The following NPPC variants were observed in gnomAD, a reference collection of about 807,000 sequenced individuals.
NPPC encodes the protein natriuretic peptide C, also known as C-type natriuretic peptide.
Under a neutral mutation model 10.2 loss-of-function variants are expected in NPPC, and 4 were observed. That is an observed-to-expected ratio of 0.39 (90% confidence interval 0.19 to 0.90). The LOEUF is 0.90. Ranked by LOEUF, NPPC falls within the 40% of genes least tolerant of loss-of-function variation. The probability of loss-of-function intolerance (pLI) is 0.37; values close to 1 mark genes in which losing one functional copy is unlikely to be tolerated. For missense variants in NPPC, 182 were observed against 173.8 expected, an observed-to-expected ratio of 1.05 and a Z score of -0.26; for synonymous variants, 83 against 87.3, an observed-to-expected ratio of 0.95 and a Z score of 0.27.
chr2:231,923,246 G>A (rs1404796948), intron 2 of NPPC, among the ~76,000 whole-genome samples: 1 of 152,220 alleles, frequency 6.6e-6, no homozygotes, highest in Non-Finnish European at 1.5e-5. Flanking sequence ...ATGTTGCTGG[G>A]CCCCAGGGGC....
At position 231,926,114 on chromosome 2, in the gene NPPC, C is replaced by G. The variant is rs752932217; in HGVS notation, c.90+46G>C. 2.9e-5 allele frequency: 36 copies of G among 1,231,024 alleles called. No individual in the cohort carries two copies. In the African/African-American group the frequency reaches 5.2e-4, roughly 18 times the overall value. 76.3% of individuals were successfully genotyped at this position (1,231,024 alleles called of 1,614,324 possible). ...CGCGCCGCATTCTCCAAGCCCCCAG[C>G]CTCCCACGCCTCTCCCAGGCTCGGC... On this transcript the variant is annotated intron_variant, in intron 1 of 2. Coordinates refer to ENST00000409852, the MANE Select transcript of NPPC (RefSeq NM_024409.4).
At chr2:231,925,752 C>G (rs1263917976) in intron 1 of NPPC, 37 bp from the exon 2 acceptor site, 3 of 1,490,366 alleles carry the variant, frequency 2.0e-6, no homozygotes, top group Admixed American at 4.2e-5. Context: ...AAGGGACACG[C>G]GGCTGCAGCA....
rs1559477024 is a variant in NPPC, at chr2:231,926,145, C to G, written c.90+15G>C. 1.6e-6 allele frequency: 2 copies of G among 1,283,670 alleles called. No homozygotes were observed. Among genetic ancestry groups the G allele is most frequent in the Non-Finnish European group, 2.0e-6 (2 of 1,015,642 alleles). 79.5% of individuals were successfully genotyped at this position (1,283,670 alleles called of 1,614,324 possible). ...ACGCCTCTCCCAGGCTCGGCGTCCC[C>G]ACGACAGCACCCACCTTCGGCGGCG... On this transcript the variant is annotated intron_variant, in intron 1 of 2. Transcript: ENST00000409852.
chr2:231,925,051 T>G (rs1470968356), intron 2 of NPPC, among the ~76,000 whole-genome samples: 1 of 152,210 alleles, frequency 6.6e-6, no homozygotes, highest in Non-Finnish European at 1.5e-5. Flanking sequence ...CTTCCTTCTC[T>G]GCTCCCACAA....
At chr2:231,924,541 G>C (rs1345939470) in intron 2 of NPPC, among the ~76,000 whole-genome samples, 1 of 152,242 alleles carries the variant, frequency 6.6e-6, no homozygotes, top group Non-Finnish European at 1.5e-5. Context: ...AGGCTGGGAT[G>C]TTATTCAGTG....
At position 231,926,362 on chromosome 2, in the gene NPPC, T is replaced by G. The variant is rs1027062999; in HGVS notation, c.-113A>C. 1 of 618,060 alleles carries G rather than the reference T, an allele frequency of 1.6e-6. No homozygotes were observed. Among genetic ancestry groups the G allele is most frequent in the Non-Finnish European group, 2.3e-6 (1 of 427,446 alleles). 38.3% of individuals were successfully genotyped at this position (618,060 alleles called of 1,614,324 possible). Reference sequence around the variant, plus strand: ...TGGCTGGGCTGCAGGGCGAGCAGGGTCCCAGTGCTGCGCGGCGCCGGCTGG... The same window carrying G: ...TGGCTGGGCTGCAGGGCGAGCAGGGGCCCAGTGCTGCGCGGCGCCGGCTGG... On this transcript the variant is annotated 5_prime_UTR_variant, in exon 1 of 3. Transcript: ENST00000409852.
chr2:231,924,342 C>T (rs74493157), intron 2 of NPPC, among the ~76,000 whole-genome samples: 1 of 152,308 alleles, frequency 6.6e-6, no homozygotes, highest in African/African-American at 2.4e-5. Context: ...GCTGGACAGG[C>T]GCTCTTGTTT....
In NPPC at chr2:231,925,358, C is replaced by T. The variant is rs1003020240; in HGVS notation, c.*20+47G>A. The stretch of plus-strand genomic sequence containing the variant: ...CTCCGAAGGCCGGCTGGGCGGCGGG[C>T]GGTCCCGGGCCGGGCTGGGGCTGGG... On this transcript the variant is annotated intron_variant, in intron 2 of 2. Coordinates refer to ENST00000409852, the MANE Select transcript of NPPC (RefSeq NM_024409.4). 9 of 1,392,544 alleles carry T rather than the reference C, an allele frequency of 6.5e-6. No individual in the cohort carries two copies. The Admixed American group carries it at 1.8e-4, about 28-fold the overall frequency. The allele number at this position is 1,392,544 out of a possible 1,614,324, so 86.3% of individuals were successfully genotyped here.
chr2:231,925,664 C>T lies in NPPC; in HGVS notation c.142G>A (p.Gly48Ser), dbSNP rs528456765. 1.9e-6 allele frequency: 3 copies of T among 1,600,668 alleles called. No homozygotes were observed. The highest frequency in any genetic ancestry group is 2.2e-5 in the South Asian group (2 of 89,464). Residue 48 changes from glycine to serine, a missense_variant, in exon 2 of 3, where the codon GGC (glycine) becomes AGC (serine). Physicochemically the swap from Gly to Ser is moderately conservative, Grantham distance 56. Transcript: ENST00000409852. ...EELAEPQAAG[G>S]GQKKGDKAPG... ...GCCTTGTCGCCCTTCTTCTGACCGC[C>T]GCCCGCAGCCTGCGGCTCGGCCAGC... is the stretch of plus-strand genomic sequence containing the variant.
At chr2:231,925,760 G>A (rs1188275824) in intron 1 of NPPC, 45 bp from the exon 2 acceptor site, 5 of 1,472,288 alleles carry the variant, frequency 3.4e-6, no homozygotes, top group South Asian at 2.7e-5. Flanking sequence ...CGCGGCTGCA[G>A]CACGGGGGAC....
chr2:231,922,605 A>G (rs1574749450), intron 2 of NPPC, among the ~76,000 whole-genome samples: 1 of 152,352 alleles, frequency 6.6e-6, no homozygotes, highest in East Asian at 1.9e-4. Flanking sequence ...GCACTCAGGG[A>G]AGCGCAGTGA....
At chr2:231,926,105 A>G in intron 1 of NPPC, 55 bp downstream of exon 1, 1 of 1,207,582 alleles carries the variant, frequency 8.3e-7, no homozygotes, top group Non-Finnish European at 1.1e-6. Flanking sequence ...GCATTCTCCA[A>G]GCCCCCAGCC....
intron 2 of NPPC, among the ~76,000 whole-genome samples, chr2:231,925,160 T>C (rs1050922105): frequency 2.0e-5 from 3 of 152,238 alleles, no homozygotes; most frequent in Non-Finnish European, 2.9e-5. Context: ...CCACCAAGCC[T>C]GTTTCTGCTT....
At chr2:231,922,643 C>A (rs1457124836) in intron 2 of NPPC, among the ~76,000 whole-genome samples, 1 of 152,204 alleles carries the variant, frequency 6.6e-6, no homozygotes, top group African/African-American at 2.4e-5. Context: ...ATCTCCCATC[C>A]CTTTTTTGCT....
At chr2:231,924,292 C>T (rs1691969191) in intron 2 of NPPC, among the ~76,000 whole-genome samples, 1 of 152,230 alleles carries the variant, frequency 6.6e-6, no homozygotes, top group South Asian at 2.1e-4. Flanking sequence ...GGTTCACAAA[C>T]TGTGAAAAAG....
intron 1 of NPPC, 142 bp from the exon 2 acceptor site, chr2:231,925,857 C>T (rs1030322218): frequency 1.2e-5 from 12 of 1,034,640 alleles, no homozygotes; most frequent in Non-Finnish European, 1.3e-5. Context: ...CCAGCTTGGC[C>T]CCGCATCCAC....
intron 2 of NPPC, among the ~76,000 whole-genome samples, chr2:231,924,669 A>T (rs1307588079): frequency 2.0e-5 from 3 of 152,210 alleles, no homozygotes; most frequent in Admixed American, 6.5e-5. Context: ...AGAGGTTTCC[A>T]GCCCTAGTGC....
At chr2:231,924,467 T>C (rs1691971645) in intron 2 of NPPC, among the ~76,000 whole-genome samples, 1 of 152,204 alleles carries the variant, frequency 6.6e-6, no homozygotes, top group African/African-American at 2.4e-5. Context: ...GCTGCTGAGC[T>C]GGAGGCAAGA....
At position 231,925,669 on chromosome 2, in the gene NPPC, G is replaced by T; in HGVS notation, c.137C>A (p.Ala46Glu). 1 of 1,598,044 alleles carries T rather than the reference G, an allele frequency of 6.3e-7. No homozygotes were observed. The highest frequency in any genetic ancestry group is 1.7e-5 in the Admixed American group (1 of 59,004). The change falls in exon 2 of 3, where the codon GCG becomes GAG. Residue 46 changes from alanine to glutamate, a missense_variant. Physicochemically the swap from Ala to Glu is moderately radical, Grantham distance 107. Transcript: ENST00000409852. ...GTCGCCCTTCTTCTGACCGCCGCCC[G>T]CAGCCTGCGGCTCGGCCAGCTCCTC... The part of the protein sequence containing the change: ...PAEELAEPQA[A>E]GGGQKKGDKA...
Sources: allele counts gnomAD v4.1 joint callset (sites outside exome capture counted in the v4.1 genomes callset), GRCh38; gene constraint gnomAD v4.1.1; transcripts MANE v1.5; gene names NCBI Gene and HGNC (gene_info 2026-07-23, HGNC 2026-07-21).